The following AFG1L variants were observed in gnomAD, a reference collection of about 807,000 sequenced individuals.
The protein encoded by AFG1L is AFG1-like ATPase.
Under a neutral mutation model 62.2 loss-of-function variants are expected in AFG1L, and 53 were observed. That is an observed-to-expected ratio of 0.85 (90% confidence interval 0.68 to 1.07). The LOEUF (loss-of-function observed/expected upper bound fraction) is 1.07, where lower values mean the gene tolerates loss of function less well. AFG1L is among the 50% of genes least tolerant of loss of function. The probability of loss-of-function intolerance (pLI) is 0.00; values close to 1 mark genes in which losing one functional copy is unlikely to be tolerated. For missense variants in AFG1L, 555 were observed against 590.5 expected (o/e 0.94, Z 0.62); for synonymous variants, 228 against 210.3 (o/e 1.08, Z -0.73).
intron 6 of AFG1L, among the ~76,000 whole-genome samples, chr6:108,383,176 T>C (rs1040145584): frequency 2.0e-5 from 3 of 152,134 alleles, no homozygotes; most frequent in African/African-American, 7.2e-5. Flanking sequence ...GAGGTTGCAG[T>C]GAACTGAGAT....
chr6:108,371,158 G>T (rs1779986054), intron 6 of AFG1L, among the ~76,000 whole-genome samples: 1 of 152,132 alleles, frequency 6.6e-6, no homozygotes, highest in African/African-American at 2.4e-5. Flanking sequence ...GTATAAGCTT[G>T]TGATTACTAC....
intron 10 of AFG1L, among the ~76,000 whole-genome samples, chr6:108,488,464 G>A (rs1773651731): frequency 6.6e-6 from 1 of 152,170 alleles, no homozygotes; most frequent in African/African-American, 2.4e-5. Context: ...GGGAGTATGA[G>A]GCAGTAGCTG....
At chr6:108,367,012 G>A (rs970801065) in intron 6 of AFG1L, among the ~76,000 whole-genome samples, 3 of 152,106 alleles carry the variant, frequency 2.0e-5, no homozygotes, top group African/African-American at 7.2e-5. Context: ...TACATTGCCA[G>A]TGAAGCCTAG....
At chr6:108,469,368 T>TA (rs971768399) in intron 8 of AFG1L, among the ~76,000 whole-genome samples, 7 of 150,732 alleles carry the variant, frequency 4.6e-5, no homozygotes, top group Non-Finnish European at 7.4e-5. Flanking sequence ...CAAGGGACAT[T>TA]AAAAAAAAAG....
At chr6:108,439,075 T>G (rs994951925) in intron 7 of AFG1L, among the ~76,000 whole-genome samples, 18 of 152,172 alleles carry the variant, frequency 1.2e-4, no homozygotes, top group African/African-American at 3.9e-4. Context: ...TCGTAATCAA[T>G]TCCTTTATTT....
In AFG1L at chr6:108,514,091, T is replaced by G. The variant is rs182763418; in HGVS notation, c.1203+3739T>G. On this transcript the variant is annotated intron_variant, in intron 11 of 12. Coordinates refer to ENST00000368977, the MANE Select transcript of AFG1L (RefSeq NM_145315.5). ...AGAAAACTGACAAACAGAAAGGACA[T>G]CCACACCAAAACCCCATCTGTACGT... is the stretch of plus-strand genomic sequence containing the variant. Among the ~76,000 whole-genome samples the G allele has an allele frequency of 7.6e-3, 1,163 of 152,140 alleles. 24 individuals carry two copies. The highest frequency in any genetic ancestry group is 0.026 in the African/African-American group (1,093 of 41,480).
At chr6:108,474,850 C>A (rs954737238) in intron 8 of AFG1L, among the ~76,000 whole-genome samples, 3 of 152,190 alleles carry the variant, frequency 2.0e-5, no homozygotes, top group Non-Finnish European at 4.4e-5. Flanking sequence ...TTTCTTCGCT[C>A]TGATGATAGT....
At chr6:108,403,566 C>T (rs977605997) in intron 7 of AFG1L, among the ~76,000 whole-genome samples, 4 of 152,062 alleles carry the variant, frequency 2.6e-5, no homozygotes, top group Non-Finnish European at 5.9e-5. Flanking sequence ...CCTTTATATT[C>T]ATGCTTTGCA....
intron 6 of AFG1L, among the ~76,000 whole-genome samples, chr6:108,384,055 G>A (rs72938608): frequency 0.045 from 6,384 of 142,278 alleles, 240 homozygotes; most frequent in South Asian, 0.18. Context: ...TGAAGGTCCT[G>A]GAGAGTAAAA....
chr6:108,457,241 C>T (rs1244512156), intron 8 of AFG1L, among the ~76,000 whole-genome samples: 3 of 151,706 alleles, frequency 2.0e-5, no homozygotes, highest in Non-Finnish European at 2.9e-5. Flanking sequence ...TTCTATTGTC[C>T]CATCTGTTCT....
At chr6:108,331,589 A>G (rs931997855) in intron 2 of AFG1L, among the ~76,000 whole-genome samples, 2 of 152,234 alleles carry the variant, frequency 1.3e-5, no homozygotes, top group Admixed American at 1.3e-4. Flanking sequence ...GAACATTTAT[A>G]AACACTTTAC....
intron 1 of AFG1L, among the ~76,000 whole-genome samples, chr6:108,297,222 C>G (rs552885373): frequency 6.6e-6 from 1 of 152,242 alleles, no homozygotes; most frequent in African/African-American, 2.4e-5. Flanking sequence ...TTCTCCCTGC[C>G]TCAGCCTCCC....
intron 11 of AFG1L, among the ~76,000 whole-genome samples, chr6:108,517,617 C>G (rs553897202): frequency 2.6e-5 from 4 of 152,074 alleles, no homozygotes; most frequent in Admixed American, 2.0e-4. Context: ...TCTAAAACAC[C>G]AAAAGCAATG....
intron 7 of AFG1L, among the ~76,000 whole-genome samples, chr6:108,417,026 A>G (rs914113819): frequency 4.0e-5 from 6 of 151,706 alleles, no homozygotes; most frequent in African/African-American, 1.5e-4. Flanking sequence ...TTGCTTGAGG[A>G]GTTTGAGATC....
At chr6:108,297,858 C>CAAAAAAA (rs774320900) in intron 1 of AFG1L, among the ~76,000 whole-genome samples, 1 of 45,130 alleles carries the variant, frequency 2.2e-5, no homozygotes, top group Non-Finnish European at 4.4e-5. Context: ...GAACCTGTCT[C>CAAAAAAA]AAAAAAAAAA....
At chr6:108,472,500 T>C (rs1464285241) in intron 8 of AFG1L, among the ~76,000 whole-genome samples, 1 of 152,166 alleles carries the variant, frequency 6.6e-6, no homozygotes, top group Non-Finnish European at 1.5e-5. Flanking sequence ...CCTTAATATA[T>C]ACAACAAAAA....
At chr6:108,303,019 T>G (rs1352393846) in intron 1 of AFG1L, among the ~76,000 whole-genome samples, 1 of 152,088 alleles carries the variant, frequency 6.6e-6, no homozygotes, top group African/African-American at 2.4e-5. Flanking sequence ...TTCATGCGAT[T>G]CTTGTGTTTC....
intron 5 of AFG1L, among the ~76,000 whole-genome samples, chr6:108,363,235 T>A (rs1388780157): frequency 6.6e-6 from 1 of 152,144 alleles, no homozygotes; most frequent in Non-Finnish European, 1.5e-5. Flanking sequence ...TTTTTTTAAC[T>A]TTTAGTTTCA....
At chr6:108,420,396 T>C (rs576956645) in intron 7 of AFG1L, among the ~76,000 whole-genome samples, 88 of 148,222 alleles carry the variant, frequency 5.9e-4, no homozygotes, top group African/African-American at 2.1e-3. Context: ...TAAATAAAAA[T>C]ATATTTTTAT....
Sources: gnomAD v4.1 joint callset for allele counts (sites outside exome capture counted in the v4.1 genomes callset) on GRCh38, gnomAD v4.1.1 for gene constraint, MANE v1.5 for transcripts, NCBI Gene and HGNC (gene_info 2026-07-23, HGNC 2026-07-21) for gene names.